INSL6: variants seen among roughly 807,000 people sequenced by gnomAD.
INSL6 encodes the protein insulin-like peptide INSL6.
INSL6 carries 16 observed loss-of-function variants against 9.4 expected under a neutral mutation model. The observed-to-expected ratio is 1.70, with a 90% confidence interval of 1.15 to 2.59. INSL6 has a LOEUF of 2.59. Among genes scored for constraint, INSL6 ranks in the 30% most tolerant of loss-of-function variants. INSL6 has a pLI of 0.00. For synonymous variants in INSL6, 154 were observed against 96.9 expected (o/e 1.59, Z -3.46); for missense variants, 391 against 257.3 (o/e 1.52, Z -3.56).
At chr9:4,997,143 T>G in the INSL6 span, among the ~76,000 whole-genome samples, 1 of 151,798 alleles carries the variant, frequency 6.6e-6, no homozygotes, top group Non-Finnish European at 1.5e-5. Context: ...TGTCACTCAG[T>G]CTGGTCTTGA....
chr9:4,995,062 T>C, the INSL6 span, among the ~76,000 whole-genome samples: 11 of 152,240 alleles, frequency 7.2e-5, no homozygotes, highest in African/African-American at 1.7e-4. Flanking sequence ...TACCAAGTTA[T>C]GCTTTTCTAC....
At chr9:5,055,311 G>A in the INSL6 span, among the ~76,000 whole-genome samples, 17 of 152,032 alleles carry the variant, frequency 1.1e-4, no homozygotes, top group Non-Finnish European at 1.6e-4. Flanking sequence ...GTTAATATCC[G>A]TGTTGTTCAT....
At chr9:5,095,301 C>G in the INSL6 span, among the ~76,000 whole-genome samples, 1 of 152,090 alleles carries the variant, frequency 6.6e-6, no homozygotes, top group African/African-American at 2.4e-5. Context: ...TACGCTCACA[C>G]TGATTTCTTA....
At chr9:5,173,621 G>A (rs1034276809) in intron 1 of INSL6, among the ~76,000 whole-genome samples, 3 of 152,120 alleles carry the variant, frequency 2.0e-5, no homozygotes, top group Non-Finnish European at 2.9e-5. Context: ...GGGTGGGGTT[G>A]GGGGAGGGCC....
At chr9:5,089,658 G>A in the INSL6 span, 4 of 1,268,500 alleles carry the variant, frequency 3.2e-6, no homozygotes, top group Non-Finnish European at 4.1e-6. Flanking sequence ...CCATCCTAAT[G>A]TGATGTGTCA....
the INSL6 span, among the ~76,000 whole-genome samples, chr9:4,998,531 A>C: frequency 1.3e-5 from 2 of 152,128 alleles, no homozygotes; most frequent in Non-Finnish European, 2.9e-5. Context: ...CTGGGATTAC[A>C]GGCATGAGCC....
chr9:5,061,672 G>A, the INSL6 span, among the ~76,000 whole-genome samples: 7 of 152,188 alleles, frequency 4.6e-5, no homozygotes, highest in Non-Finnish European at 1.0e-4. Flanking sequence ...TCATCAATAA[G>A]GCTGTTCACT....
intron 2 of INSL6, among the ~76,000 whole-genome samples, chr9:5,136,739 C>T (rs1190585019): frequency 6.6e-6 from 1 of 152,172 alleles, no homozygotes; most frequent in Admixed American, 6.5e-5. Context: ...CTCACCAGTC[C>T]TATTCAACAT....
intron 2 of INSL6, among the ~76,000 whole-genome samples, chr9:5,143,604 GTCTA>G (rs1242039799): frequency 4.0e-5 from 6 of 150,842 alleles, no homozygotes; most frequent in African/African-American, 9.7e-5. Context: ...CTAGCTACTG[GTCTA>G]TCTATTTTAT....
the INSL6 span, chr9:5,099,764 T>G: frequency 6.6e-6 from 1 of 152,330 alleles, no homozygotes; most frequent in East Asian, 1.9e-4. Context: ...ACCTGATCCC[T>G]TATAATAATA....
chr9:5,099,850 T>C, the INSL6 span: 1 of 152,180 alleles, frequency 6.6e-6, no homozygotes, highest in Non-Finnish European at 1.5e-5. Flanking sequence ...TATCCAATTA[T>C]CAATAAACCT....
In INSL6 at chr9:5,146,344, T is replaced by C. The variant is rs369360760; in HGVS notation, c.377-12752A>G. 4.2e-3 allele frequency among the ~76,000 whole-genome samples: 633 copies of C among 152,220 alleles called. 3 individuals are homozygous for C. The highest frequency in any genetic ancestry group is 0.015 in the African/African-American group (608 of 41,550). ...GGTAGACCAAGGTGTGGCAGCTGCA[T>C]CGGAGTGCTAGTGGATTCAGGGGTG... On this transcript the variant is annotated intron_variant, in intron 2 of 3. Transcript: ENST00000649639.
At chr9:5,064,983 A>G in the INSL6 span, 1 of 1,611,266 alleles carries the variant, frequency 6.2e-7, no homozygotes, top group South Asian at 1.1e-5. Context: ...CTCTGTAAAG[A>G]AGTAGCACCT....
At chr9:5,042,071 C>T in the INSL6 span, 1 of 226,822 alleles carries the variant, frequency 4.4e-6, no homozygotes, top group Admixed American at 5.5e-5. Flanking sequence ...TGGCCGGCGG[C>T]CCCATCCCCG....
intron 2 of INSL6, among the ~76,000 whole-genome samples, chr9:5,149,169 G>C (rs1824662670): frequency 6.6e-6 from 1 of 152,228 alleles, no homozygotes; most frequent in Admixed American, 6.5e-5. Flanking sequence ...GGGGTCCCCT[G>C]TAGCAGCTAA....
downstream of INSL6, among the ~76,000 whole-genome samples, chr9:5,159,910 G>A (rs1209441982): frequency 6.6e-6 from 1 of 152,160 alleles, no homozygotes; most frequent in East Asian, 1.9e-4. Context: ...GGTGGCTCAC[G>A]CCGCCTGTAA....
chr9:5,105,583 C>G, the INSL6 span, among the ~76,000 whole-genome samples: 1 of 152,054 alleles, frequency 6.6e-6, no homozygotes, highest in Non-Finnish European at 1.5e-5. Flanking sequence ...TCATATGGAA[C>G]CAAAAAAGAG....
intron 2 of INSL6, among the ~76,000 whole-genome samples, chr9:5,154,614 A>G (rs957435933): frequency 1.4e-4 from 21 of 152,234 alleles, no homozygotes; most frequent in African/African-American, 4.3e-4. Context: ...GATGAACTCA[A>G]ACAAATTTAC....
At chr9:5,167,535 C>A (rs1825082211) in intron 1 of INSL6, among the ~76,000 whole-genome samples, 1 of 152,248 alleles carries the variant, frequency 6.6e-6, no homozygotes, top group African/African-American at 2.4e-5. Flanking sequence ...GGACTCCAAT[C>A]CATTCCCCCT....
Sources: allele counts gnomAD v4.1 joint callset (sites outside exome capture counted in the v4.1 genomes callset), GRCh38; gene constraint gnomAD v4.1.1; transcripts MANE v1.5; gene names NCBI Gene and HGNC (gene_info 2026-07-23, HGNC 2026-07-21).